The following RMST variants were observed in gnomAD, a reference collection of about 807,000 sequenced individuals.
RMST encodes the protein long intergenic non-protein coding RNA 54.
intron 5 of RMST, among the ~76,000 whole-genome samples, chr12:97,487,714 G>A (rs1876268349): frequency 6.6e-6 from 1 of 152,138 alleles, no homozygotes. Flanking sequence ...CATAGTTACT[G>A]CATGAGTCCA....
exon 12 of RMST, chr12:97,560,539 G>A (rs1314658944): frequency 1.3e-5 from 2 of 152,202 alleles, no homozygotes; most frequent in East Asian, 1.9e-4. Flanking sequence ...CCCACCAGGA[G>A]GCTAATAATG....
intron 5 of RMST, among the ~76,000 whole-genome samples, chr12:97,482,027 A>G (rs1475394778): frequency 1.3e-5 from 2 of 152,188 alleles, no homozygotes; most frequent in Non-Finnish European, 2.9e-5. Context: ...GTTTTACAAC[A>G]CTGTTTATTC....
rs1233544381 is a variant in RMST, at chr12:97,484,847, A to T, written n.645-7614A>T. ...GCTTTTAATTCCTTTCATCTTTTTG[A>T]CAGTCTCATCAATTAGTCAGCACAG... On this transcript the variant is annotated intron_variant and non_coding_transcript_variant, in intron 5 of 13. Transcript: ENST00000640149. Among the ~76,000 whole-genome samples, 3 of 152,086 alleles carry T rather than the reference A, an allele frequency of 2.0e-5. No homozygotes were observed. In the East Asian group the frequency reaches 5.8e-4, roughly 29 times the overall value.
intron 5 of RMST, among the ~76,000 whole-genome samples, chr12:97,468,986 T>C (rs1873544681): frequency 6.6e-6 from 1 of 151,934 alleles, no homozygotes; most frequent in Non-Finnish European, 1.5e-5. Flanking sequence ...TTACTAGTGA[T>C]TTATACATCA....
At chr12:97,519,136 C>G (rs1880249608) in intron 10 of RMST, among the ~76,000 whole-genome samples, 1 of 152,164 alleles carries the variant, frequency 6.6e-6, no homozygotes, top group South Asian at 2.1e-4. Flanking sequence ...TCAACTTCTG[C>G]ATTGTACATC....
chr12:97,510,446 T>C lies in RMST; in HGVS notation n.1340+14390T>C, dbSNP rs561104662. On this transcript the variant is annotated intron_variant and non_coding_transcript_variant, in intron 10 of 13. Transcript: ENST00000640149. ...TAAAATGAATTGAGCATCCACAGCT[T>C]TGCTACAAATGAAGATGGACCATTA... Among the ~76,000 whole-genome samples, 4 of 152,328 alleles carry C rather than the reference T, an allele frequency of 2.6e-5. No individual in the cohort carries two copies. The South Asian group carries it at 6.2e-4, about 24-fold the overall frequency.
intron 10 of RMST, among the ~76,000 whole-genome samples, chr12:97,499,801 A>C (rs1375831108): frequency 6.6e-6 from 1 of 151,788 alleles, no homozygotes; most frequent in Non-Finnish European, 1.5e-5. Flanking sequence ...CTGGGATTAC[A>C]GGTGTGTGCC....
chr12:97,491,952 G>T (rs368928135), intron 5 of RMST: 17 of 533,712 alleles, frequency 3.2e-5, no homozygotes, highest in Non-Finnish European at 5.0e-5. Flanking sequence ...TGAACAGAGC[G>T]CTTTGCTCAG....
chr12:97,513,255 G>C (rs1384325543), intron 10 of RMST, among the ~76,000 whole-genome samples: 1 of 152,226 alleles, frequency 6.6e-6, no homozygotes, highest in Non-Finnish European at 1.5e-5. Flanking sequence ...AGGAGGTGCC[G>C]AGAGCAAGCG....
At chr12:97,490,366 G>A (rs936927125) in intron 5 of RMST, among the ~76,000 whole-genome samples, 4 of 152,210 alleles carry the variant, frequency 2.6e-5, no homozygotes, top group African/African-American at 9.6e-5. Flanking sequence ...AGACTGCACA[G>A]ATTCAAATCC....
At chr12:97,528,292 C>G (rs1881308185) in intron 10 of RMST, among the ~76,000 whole-genome samples, 1 of 152,088 alleles carries the variant, frequency 6.6e-6, no homozygotes, top group Non-Finnish European at 1.5e-5. Context: ...TCAGTATAGT[C>G]ATAAAAAGTT....
At chr12:97,513,089 C>T (rs563616044) in intron 10 of RMST, among the ~76,000 whole-genome samples, 3 of 152,320 alleles carry the variant, frequency 2.0e-5, no homozygotes, top group Non-Finnish European at 4.4e-5. Flanking sequence ...GCAAGCACCG[C>T]GCGCAGCCCG....
At chr12:97,478,767 G>A (rs1222805647) in intron 5 of RMST, among the ~76,000 whole-genome samples, 1 of 152,166 alleles carries the variant, frequency 6.6e-6, no homozygotes, top group East Asian at 1.9e-4. Flanking sequence ...AATTATTTAA[G>A]AAATTGCCTT....
chr12:97,525,954 G>T (rs1881052945), intron 10 of RMST, among the ~76,000 whole-genome samples: 1 of 152,038 alleles, frequency 6.6e-6, no homozygotes, highest in African/African-American at 2.4e-5. Flanking sequence ...AACTGTGCAT[G>T]CGAGTGATCT....
At chr12:97,526,185 C>A (rs1371630347) in intron 10 of RMST, among the ~76,000 whole-genome samples, 1 of 151,822 alleles carries the variant, frequency 6.6e-6, no homozygotes, top group Non-Finnish European at 1.5e-5. Flanking sequence ...TGAAACCATC[C>A]CCCACCCCAC....
At chr12:97,519,450 C>T (rs759536409) in intron 10 of RMST, among the ~76,000 whole-genome samples, 2 of 152,086 alleles carry the variant, frequency 1.3e-5, no homozygotes. Flanking sequence ...ACCATTTGTT[C>T]GAGTTTATTA....
chr12:97,560,797 G>T (rs998621695), exon 13 of RMST: 2 of 151,952 alleles, frequency 1.3e-5, no homozygotes, highest in Non-Finnish European at 2.9e-5. Context: ...ATCATTTTAG[G>T]TGCAGGAATA....
intron 11 of RMST, among the ~76,000 whole-genome samples, chr12:97,559,009 A>C (rs1473749251): frequency 6.6e-6 from 1 of 152,080 alleles, no homozygotes; most frequent in African/African-American, 2.4e-5. Flanking sequence ...ACTTGTGATA[A>C]ATATCCCCTT....
intron 11 of RMST, among the ~76,000 whole-genome samples, chr12:97,550,482 A>G (rs140363637): frequency 0.011 from 1,603 of 152,312 alleles, 33 homozygotes; most frequent in African/African-American, 0.036. Context: ...TTGTATTTCA[A>G]CAATCCAACA....
Sources: allele counts gnomAD v4.1 joint callset (sites outside exome capture counted in the v4.1 genomes callset), GRCh38; gene constraint gnomAD v4.1.1; transcripts MANE v1.5; gene names NCBI Gene and HGNC (gene_info 2026-07-23, HGNC 2026-07-21).